TSBP1: variants seen among roughly 807,000 people sequenced by gnomAD.
TSBP1 encodes the protein testis expressed basic protein 1, also known as testis-expressed basic protein 1.
In TSBP1, 56 loss-of-function variants were observed where a neutral mutation model predicts 68.8. That is an observed-to-expected ratio of 0.81 (90% confidence interval 0.66 to 1.02). The LOEUF (loss-of-function observed/expected upper bound fraction) is 1.02, where lower values mean the gene tolerates loss of function less well. Among genes scored for constraint, TSBP1 ranks in the 50% least tolerant of loss-of-function variants. The pLI is 0.00. For missense variants in TSBP1, 502 were observed against 641.2 expected (o/e 0.78, Z 2.34); for synonymous variants, 171 against 208.7 (o/e 0.82, Z 1.56).
chr6:32,370,302 G>A (rs1774239866), intron 1 of TSBP1, among the ~76,000 whole-genome samples: 1 of 151,112 alleles, frequency 6.6e-6, no homozygotes, highest in Non-Finnish European at 1.5e-5. Flanking sequence ...AATGTTAAAG[G>A]GAATCAGTGG....
At chr6:32,317,828 G>A (rs1767137748) in intron 18 of TSBP1, among the ~76,000 whole-genome samples, 1 of 152,170 alleles carries the variant, frequency 6.6e-6, no homozygotes, top group Admixed American at 6.5e-5. Flanking sequence ...AGGCTGTGGA[G>A]AAAAAGGAAC....
At chr6:32,324,300 A>G in intron 16 of TSBP1, 3 of 322,944 alleles carry the variant, frequency 9.3e-6, no homozygotes, top group South Asian at 3.5e-5. Flanking sequence ...CAAATGAAAA[A>G]GGGTTACAGA....
Position 32,316,994 on chromosome 6 carries a change from G to C in TSBP1, c.560-1202C>G, listed in dbSNP as rs558165583. On this transcript the variant is annotated intron_variant, in intron 18 of 22. Coordinates refer to ENST00000612031, the Ensembl canonical transcript of TSBP1. This position sits in a 1 kb window ranked among gnomAD's most constrained non-coding sequence, Gnocchi z 4.5. ...CCTGAGACTGGCCACTAGGAGAGGA[G>C]AGGGTTTTAAGAGGGGTTGGCCTGA... 1.3e-5 allele frequency among the ~76,000 whole-genome samples: 2 copies of C among 152,316 alleles called. No individual in the cohort carries two copies. Among genetic ancestry groups the C allele is most frequent in the East Asian group, 3.9e-4 (2 of 5,190 alleles).
At chr6:32,311,119 T>G (rs1265696589) in intron 19 of TSBP1, among the ~76,000 whole-genome samples, 1 of 152,144 alleles carries the variant, frequency 6.6e-6, no homozygotes, top group Non-Finnish European at 1.5e-5. Flanking sequence ...TCCTTCTTTC[T>G]CCCTGCTCAC....
chr6:32,323,170 C>T (rs760918374), intron 17 of TSBP1, 33 bp from the exon 19 acceptor site: 2 of 1,476,960 alleles, frequency 1.4e-6, no homozygotes, highest in Admixed American at 1.7e-5. Context: ...GTGAAGATTT[C>T]TTTGAAAGAA....
At chr6:32,347,287 C>G (rs1167922781) in intron 9 of TSBP1, among the ~76,000 whole-genome samples, 1 of 149,982 alleles carries the variant, frequency 6.7e-6, no homozygotes, top group Non-Finnish European at 1.5e-5. Flanking sequence ...CCTCAGCCTT[C>G]CAAGTAGCTG....
At chr6:32,319,725 A>G (rs1442289521) in intron 18 of TSBP1, among the ~76,000 whole-genome samples, 7 of 152,036 alleles carry the variant, frequency 4.6e-5, no homozygotes, top group African/African-American at 1.4e-4. Flanking sequence ...TTCTACATGA[A>G]TTTATCTGCC....
rs1164288355 is a variant in TSBP1, at chr6:32,335,050, G to A, written c.472+387C>T. 1.3e-5 allele frequency among the ~76,000 whole-genome samples: 2 copies of A among 151,750 alleles called. No homozygotes were observed. The highest frequency in any genetic ancestry group is 1.3e-4 in the Admixed American group (2 of 15,206). ...CTCCATCTCAAAAAAAATAAAGAAAGGAAACTTAAAATTTGCATTATTTTA... is the reference window on the plus strand; with the variant it reads ...CTCCATCTCAAAAAAAATAAAGAAAAGAAACTTAAAATTTGCATTATTTTA... On this transcript the variant is annotated intron_variant, in intron 14 of 22. Coordinates refer to ENST00000612031, the Ensembl canonical transcript of TSBP1. This position sits in a 1 kb window ranked among gnomAD's most constrained non-coding sequence, Gnocchi z 5.5.
At chr6:32,310,906 A>T (rs1332549563) in intron 19 of TSBP1, among the ~76,000 whole-genome samples, 3 of 151,580 alleles carry the variant, frequency 2.0e-5, no homozygotes, top group Non-Finnish European at 4.4e-5. Flanking sequence ...TTAAAATTTT[A>T]TTATCTCCTT....
In TSBP1 at chr6:32,339,595, CT is replaced by C; in HGVS notation, c.388+4del. 1 of 1,278,516 alleles carries C rather than the reference CT, an allele frequency of 7.8e-7. No individual in the cohort carries two copies. The highest frequency in any genetic ancestry group is 1.4e-5 in the African/African-American group (1 of 70,960). 79.2% of individuals were successfully genotyped at this position (1,278,516 alleles called of 1,614,324 possible). The stretch of plus-strand genomic sequence containing the variant: ...AGGACTGAGTTGTATATATGGGAAA[CT>C]TACAAGGAGGTTCTTCAGTTGTTTG... On this transcript the variant is annotated splice_donor_region_variant and intron_variant, in intron 10 of 22. Transcript: ENST00000612031.
intron 9 of TSBP1, among the ~76,000 whole-genome samples, chr6:32,348,152 G>A (rs12198399): frequency 0.022 from 3,410 of 152,306 alleles, 74 homozygotes; most frequent in South Asian, 0.095. Context: ...AGCAGCTGCA[G>A]TGCTCTAAAT....
chr6:32,360,050 G>A (rs1772818595), intron 6 of TSBP1, among the ~76,000 whole-genome samples: 1 of 152,010 alleles, frequency 6.6e-6, no homozygotes, highest in South Asian at 2.1e-4. Context: ...ATTTTGTGAT[G>A]AGAATATGTA....
At chr6:32,293,582 T>C in exon 23 of TSBP1, 1 of 1,613,022 alleles carries the variant, frequency 6.2e-7, no homozygotes, top group Non-Finnish European at 8.5e-7. Flanking sequence ...CTGGGCTTCC[T>C]GTCCTTTCAG....
intron 8 of TSBP1, among the ~76,000 whole-genome samples, chr6:32,352,444 C>T (rs145686540): frequency 1.1e-3 from 168 of 151,248 alleles, no homozygotes; most frequent in African/African-American, 3.9e-3. Flanking sequence ...CTAAGTAAAA[C>T]AAAAGAAACA....
At chr6:32,369,373 A>ATTTTTTTTTTTTTT (rs9281761) in intron 2 of TSBP1, among the ~76,000 whole-genome samples, 4,243 of 126,368 alleles carry the variant, frequency 0.034, 274 homozygotes, top group South Asian at 0.047. Flanking sequence ...AAACTCTGTG[A>ATTTTTTTTTTTTTT]TTTTTTTTTT....
At chr6:32,299,627 A>T (rs1394763508) in intron 22 of TSBP1, among the ~76,000 whole-genome samples, 2 of 152,138 alleles carry the variant, frequency 1.3e-5, no homozygotes, top group African/African-American at 4.8e-5. Context: ...GTAGTTATTT[A>T]AAAACTTGGG....
rs1769579568 is a variant in TSBP1, at chr6:32,335,771, T to C, written c.451+141A>G. The C allele has an allele frequency of 2.9e-6, 2 of 688,284 alleles. No individual in the cohort carries two copies. Among genetic ancestry groups the C allele is most frequent in the Non-Finnish European group, 5.0e-6 (2 of 399,602 alleles). 42.6% of individuals were successfully genotyped at this position (688,284 alleles called of 1,614,324 possible). A position where few individuals can be genotyped will look rare whatever the true frequency, so the allele number is the denominator to read the frequency against. On this transcript the variant is annotated intron_variant, in intron 13 of 22. Coordinates refer to ENST00000612031, the Ensembl canonical transcript of TSBP1. This position sits in a 1 kb window ranked among gnomAD's most constrained non-coding sequence, Gnocchi z 5.5. ...CACAGCTAATCATGACTTACTGAAA[T>C]GCTAGGTTGAAGAAAAATAAGGGTT... is the stretch of plus-strand genomic sequence containing the variant.
chr6:32,296,199 A>G (rs1562050953), intron 22 of TSBP1, among the ~76,000 whole-genome samples: 1 of 152,214 alleles, frequency 6.6e-6, no homozygotes, highest in Non-Finnish European at 1.5e-5. Context: ...CGTTTTTTAC[A>G]TTTAGGGTTT....
At chr6:32,296,174 A>G (rs1191156436) in intron 22 of TSBP1, among the ~76,000 whole-genome samples, 1 of 152,166 alleles carries the variant, frequency 6.6e-6, no homozygotes, top group African/African-American at 2.4e-5. Context: ...CTTAAAAGTG[A>G]ATTATTGGAC....
Sources: gnomAD v4.1 joint callset for allele counts (sites outside exome capture counted in the v4.1 genomes callset) on GRCh38, gnomAD v4.1.1 for gene constraint, Gnocchi (gnomAD v3.1) non-coding constraint, MANE v1.5 for transcripts, NCBI Gene and HGNC (gene_info 2026-07-23, HGNC 2026-07-21) for gene names.